The following CDK6 variants were observed in gnomAD, a reference collection of about 807,000 sequenced individuals.
CDK6 encodes cyclin dependent kinase 6.
Under a neutral mutation model 37.1 loss-of-function variants are expected in CDK6, and 6 were observed. The observed-to-expected ratio is 0.16, with a 90% CI of 0.09 to 0.32. CDK6 has a LOEUF of 0.32. CDK6 is among the 10% of genes least tolerant of loss of function. The pLI is 1.00. For missense variants in CDK6, 224 were observed against 418.9 expected (o/e 0.53, Z 4.06); for synonymous variants, 160 against 161.3 (o/e 0.99, Z 0.06).
intron 3 of CDK6, among the ~76,000 whole-genome samples, chr7:92,735,962 C>T (rs1242877742): frequency 6.6e-6 from 1 of 152,070 alleles, no homozygotes; most frequent in Non-Finnish European, 1.5e-5. Context: ...AAGTGAGTCA[C>T]TTAGACATGA....
chr7:92,670,910 G>C (rs1389130411), intron 5 of CDK6, among the ~76,000 whole-genome samples: 1 of 152,154 alleles, frequency 6.6e-6, no homozygotes, highest in African/African-American at 2.4e-5. Flanking sequence ...TATAGTACCT[G>C]AATATATCTA....
chr7:92,802,402 A>G (rs1800603408), intron 2 of CDK6, among the ~76,000 whole-genome samples: 1 of 152,354 alleles, frequency 6.6e-6, no homozygotes, highest in African/African-American at 2.4e-5. Context: ...ATTCCAGTTT[A>G]TTAAAAATTT....
chr7:92,621,983 A>G (rs777815485), intron 6 of CDK6, among the ~76,000 whole-genome samples: 3 of 150,778 alleles, frequency 2.0e-5, no homozygotes, highest in East Asian at 1.9e-4. Context: ...CAGTGCTGAT[A>G]TGAAAATCTG....
At chr7:92,628,523 C>T (rs1328959144) in intron 5 of CDK6, among the ~76,000 whole-genome samples, 2 of 152,098 alleles carry the variant, frequency 1.3e-5, no homozygotes, top group Admixed American at 6.6e-5. Context: ...TCAATTAATA[C>T]ATGCTGAGTG....
At chr7:92,717,048 G>A (rs978367661) in intron 4 of CDK6, among the ~76,000 whole-genome samples, 2 of 152,084 alleles carry the variant, frequency 1.3e-5, no homozygotes, top group Non-Finnish European at 2.9e-5. Flanking sequence ...CATATAGGGT[G>A]TCCGTATGAA....
intron 3 of CDK6, among the ~76,000 whole-genome samples, chr7:92,742,804 G>C (rs1164263222): frequency 6.6e-6 from 1 of 151,876 alleles, no homozygotes; most frequent in Non-Finnish European, 1.5e-5. Context: ...GCTGGAAATT[G>C]AAAGTGTTTA....
intron 4 of CDK6, among the ~76,000 whole-genome samples, chr7:92,709,863 A>C (rs1798047698): frequency 6.6e-6 from 1 of 152,250 alleles, no homozygotes; most frequent in Non-Finnish European, 1.5e-5. Context: ...CTAAGGAATC[A>C]TAGTCCTGGT....
chr7:92,632,198 A>G (rs1796068763), intron 5 of CDK6, among the ~76,000 whole-genome samples: 1 of 152,120 alleles, frequency 6.6e-6, no homozygotes, highest in South Asian at 2.1e-4. Context: ...CATCAGCCGG[A>G]TGTCAGCAAA....
At chr7:92,645,363 T>C (rs1796421987) in intron 5 of CDK6, among the ~76,000 whole-genome samples, 1 of 152,254 alleles carries the variant, frequency 6.6e-6, no homozygotes, top group Non-Finnish European at 1.5e-5. Flanking sequence ...TATCTTGTTT[T>C]TAAGCTATTG....
chr7:92,788,326 G>A (rs964958410), intron 2 of CDK6, among the ~76,000 whole-genome samples: 2 of 152,088 alleles, frequency 1.3e-5, no homozygotes, highest in African/African-American at 2.4e-5. Context: ...CAAGGCAGAC[G>A]TTTTCTTTTG....
intron 3 of CDK6, among the ~76,000 whole-genome samples, chr7:92,773,121 T>C (rs1799758378): frequency 6.6e-6 from 1 of 152,188 alleles, no homozygotes; most frequent in Admixed American, 6.5e-5. Context: ...TTTGTACCTA[T>C]GTGTATAAAT....
At chr7:92,699,398 T>C (rs1797792517) in intron 4 of CDK6, among the ~76,000 whole-genome samples, 6 of 152,242 alleles carry the variant, frequency 3.9e-5, no homozygotes. Context: ...ATAATGCCTC[T>C]TGGTAACAGG....
intron 3 of CDK6, among the ~76,000 whole-genome samples, chr7:92,767,617 C>T (rs1355210943): frequency 1.3e-5 from 2 of 152,110 alleles, no homozygotes; most frequent in Non-Finnish European, 2.9e-5. Context: ...ATCATCTCTC[C>T]TATTCCACTC....
At chr7:92,677,353 C>T (rs953168558) in intron 4 of CDK6, among the ~76,000 whole-genome samples, 1 of 152,210 alleles carries the variant, frequency 6.6e-6, no homozygotes, top group Non-Finnish European at 1.5e-5. Context: ...CGTGGTGGCT[C>T]ATGCCTGTAA....
intron 2 of CDK6, among the ~76,000 whole-genome samples, chr7:92,781,073 A>C (rs909390290): frequency 2.0e-5 from 3 of 152,244 alleles, no homozygotes; most frequent in African/African-American, 7.2e-5. Context: ...ATTAGAGCTT[A>C]GCATAATGTG....
intron 3 of CDK6, among the ~76,000 whole-genome samples, chr7:92,728,975 C>A (rs1039191857): frequency 4.0e-4 from 61 of 152,236 alleles, no homozygotes; most frequent in African/African-American, 1.4e-3. Flanking sequence ...AGTCTTTAGC[C>A]AACCTTTATT....
intron 6 of CDK6, among the ~76,000 whole-genome samples, chr7:92,622,597 G>A (rs180963795): frequency 3.9e-5 from 6 of 152,002 alleles, no homozygotes; most frequent in East Asian, 3.9e-4. Context: ...ACCATCCTTC[G>A]CCCAGGAAAA....
At chr7:92,827,505 G>A (rs1201234249) in intron 2 of CDK6, among the ~76,000 whole-genome samples, 2 of 152,070 alleles carry the variant, frequency 1.3e-5, no homozygotes, top group African/African-American at 4.8e-5. Context: ...ATGTGCAGCT[G>A]GTAAAATAAA....
chr7:92,748,972 G>A (rs1177047932), intron 3 of CDK6, among the ~76,000 whole-genome samples: 1 of 152,102 alleles, frequency 6.6e-6, no homozygotes, highest in African/African-American at 2.4e-5. Context: ...AGGCCGAGGT[G>A]GGCATATCAC....
Sources: gnomAD v4.1 joint callset for allele counts (sites outside exome capture counted in the v4.1 genomes callset) on GRCh38, gnomAD v4.1.1 for gene constraint, MANE v1.5 for transcripts, NCBI Gene and HGNC (gene_info 2026-07-23, HGNC 2026-07-21) for gene names.